The following TBPL2 variants were observed in gnomAD, a reference collection of about 807,000 sequenced individuals.
TBPL2 encodes the protein TATA-box binding protein like 2, also known as TATA box-binding protein-like 2.
Under a neutral mutation model 38.2 loss-of-function variants are expected in TBPL2, and 40 were observed. The ratio of observed to expected loss-of-function variants is 1.05; its 90% CI spans 0.81 to 1.36. TBPL2 has a LOEUF of 1.36. Among genes scored for constraint, TBPL2 ranks in the 40% most tolerant of loss-of-function variants. TBPL2 has a pLI of 0.00. For missense variants in TBPL2, 461 were observed against 456.7 expected (o/e 1.01, Z -0.09); for synonymous variants, 169 against 171.7 (o/e 0.98, Z 0.12).
In TBPL2 at chr14:55,436,548, A is replaced by C. The variant is rs1393335356; in HGVS notation, c.608+13T>G. ...ACCCAATGTGCTCAATTAAAACAAA[A>C]ATAAAAACTTACTGTAGTTGAGGTA... On this transcript the variant is annotated intron_variant, in intron 2 of 6. Transcript: ENST00000247219. 5 of 1,609,114 alleles carry C rather than the reference A, an allele frequency of 3.1e-6. No individual in the cohort carries two copies.
At chr14:55,429,766 C>CAAAAAAAAAAAAAA (rs71131266) in intron 4 of TBPL2, among the ~76,000 whole-genome samples, 3 of 52,388 alleles carry the variant, frequency 5.7e-5, no homozygotes, top group Non-Finnish European at 9.7e-5. Flanking sequence ...AACTCCGTCT[C>CAAAAAAAAAAAAAA]AAAAAAAAAA....
chr14:55,438,940 G>A (rs1427715409), intron 1 of TBPL2: 1 of 106,932 alleles, frequency 9.4e-6, no homozygotes, highest in Non-Finnish European at 1.8e-5. Flanking sequence ...TTGCTCTCTT[G>A]CCTTTTTTTT....
At chr14:55,418,022 T>G (rs1457822023) in intron 6 of TBPL2, among the ~76,000 whole-genome samples, 1 of 152,224 alleles carries the variant, frequency 6.6e-6, no homozygotes, top group Non-Finnish European at 1.5e-5. Flanking sequence ...GGATGTGAGC[T>G]AAGGTTTGTA....
At chr14:55,421,012 G>A (rs1034847196) in intron 6 of TBPL2, among the ~76,000 whole-genome samples, 12 of 140,904 alleles carry the variant, frequency 8.5e-5, no homozygotes, top group Admixed American at 1.5e-4. Flanking sequence ...AGTGAGCCGA[G>A]ATCGCACCAC....
At chr14:55,423,090 G>A (rs1885769781) in intron 6 of TBPL2, among the ~76,000 whole-genome samples, 1 of 152,040 alleles carries the variant, frequency 6.6e-6, no homozygotes, top group African/African-American at 2.4e-5. Context: ...AAAAGGATAA[G>A]TTATGTCATG....
Position 55,420,350 on chromosome 14 carries a change from T to G in TBPL2, c.1051+3809A>C, listed in dbSNP as rs189778153. On this transcript the variant is annotated intron_variant, in intron 6 of 6. Transcript: ENST00000247219. Reference sequence around the variant, plus strand: ...GTGAGCACAACGCCTAGCCAGGCCCTTAAGTTTTTAATCCATTTGCGGGTG... The same window carrying G: ...GTGAGCACAACGCCTAGCCAGGCCCGTAAGTTTTTAATCCATTTGCGGGTG... Among the ~76,000 whole-genome samples, 76 of 152,320 alleles carry G rather than the reference T, an allele frequency of 5.0e-4. 1 individual carries two copies. Among genetic ancestry groups the G allele is most frequent in the Non-Finnish European group, 7.4e-5 (5 of 68,020 alleles).
At chr14:55,438,641 T>C (rs1886054424) in intron 1 of TBPL2, among the ~76,000 whole-genome samples, 1 of 152,128 alleles carries the variant, frequency 6.6e-6, no homozygotes, top group Non-Finnish European at 1.5e-5. Context: ...ATGGCGAGGA[T>C]TTGAAGGAGG....
At chr14:55,436,697 G>C in exon 2 of TBPL2, 3 of 1,614,220 alleles carry the variant, frequency 1.9e-6, no homozygotes, top group Admixed American at 1.7e-5. Flanking sequence ...CCAGGGTGCA[G>C]CTGTGAATGG....
chr14:55,414,475 T>G lies in TBPL2; in HGVS notation c.1052-20A>C. On this transcript the variant is annotated intron_variant, in intron 6 of 6. Transcript: ENST00000247219. The stretch of plus-strand genomic sequence containing the variant: ...TGGCACCTATAAAGAAATCCAGGTT[T>G]ATATAATTTTTAATATAAAAATACC... The G allele has an allele frequency of 6.5e-7, 1 of 1,543,992 alleles. No homozygotes were observed. The highest frequency in any genetic ancestry group is 1.2e-5 in the South Asian group (1 of 80,940).
chr14:55,422,492 G>A (rs1010447501), intron 6 of TBPL2, among the ~76,000 whole-genome samples: 4 of 151,962 alleles, frequency 2.6e-5, no homozygotes, highest in African/African-American at 4.8e-5. Flanking sequence ...CTCATAATTC[G>A]CCTGCCTCGG....
At chr14:55,422,972 AT>A (rs904699205) in intron 6 of TBPL2, among the ~76,000 whole-genome samples, 26 of 152,062 alleles carry the variant, frequency 1.7e-4, no homozygotes, top group African/African-American at 3.1e-4. Flanking sequence ...TGCAAAAATT[AT>A]TTAAAAAAAA....
Position 55,428,984 on chromosome 14 carries a change from G to A in TBPL2, c.789-10C>T, listed in dbSNP as rs1885878553. 1.9e-6 allele frequency: 3 copies of A among 1,613,474 alleles called. No homozygotes were observed. Among genetic ancestry groups the A allele is most frequent in the Admixed American group, 3.3e-5 (2 of 59,968 alleles). On this transcript the variant is annotated splice_polypyrimidine_tract_variant and intron_variant, in intron 4 of 6. Transcript: ENST00000247219. ...TCGAGACTGCTCTTCACTGGGGAGG[G>A]GCAAATATGTTTAAAGATGTCTTAA...
At chr14:55,429,660 G>A (rs1014803350) in intron 4 of TBPL2, among the ~76,000 whole-genome samples, 1 of 151,340 alleles carries the variant, frequency 6.6e-6, no homozygotes, top group African/African-American at 2.4e-5. Context: ...CAGCTACTCA[G>A]GAGGCTGAGG....
intron 4 of TBPL2, among the ~76,000 whole-genome samples, chr14:55,432,415 A>G (rs1885944247): frequency 8.9e-6 from 1 of 111,974 alleles, no homozygotes; most frequent in Non-Finnish European, 2.1e-5. Context: ...CGTGTCTCAG[A>G]AAAAAAAAAA....
chr14:55,420,875 C>T (rs1268326463), intron 6 of TBPL2, among the ~76,000 whole-genome samples: 9 of 151,634 alleles, frequency 5.9e-5, no homozygotes, highest in South Asian at 2.1e-4. Context: ...CTGGCCAACA[C>T]GGTGAAACCC....
chr14:55,427,199 G>A (rs1217269830), intron 5 of TBPL2, among the ~76,000 whole-genome samples: 3 of 152,248 alleles, frequency 2.0e-5, no homozygotes, highest in South Asian at 4.1e-4. Context: ...GAGGCAACAT[G>A]TCTTACATGG....
At chr14:55,433,639 C>T in exon 4 of TBPL2, 4 of 1,613,990 alleles carry the variant, frequency 2.5e-6, no homozygotes, top group Non-Finnish European at 2.5e-6. Context: ...CCTTTTGGCT[C>T]CCGTGCAGAC....
chr14:55,414,773 C>T (rs1005252050), intron 6 of TBPL2, among the ~76,000 whole-genome samples: 5 of 152,174 alleles, frequency 3.3e-5, no homozygotes, highest in African/African-American at 4.8e-5. Flanking sequence ...TCAGCACCTG[C>T]GGGCACTTAG....
At chr14:55,423,611 T>C (rs896022009) in intron 6 of TBPL2, among the ~76,000 whole-genome samples, 1 of 152,260 alleles carries the variant, frequency 6.6e-6, no homozygotes, top group Non-Finnish European at 1.5e-5. Context: ...AGAATGGTTT[T>C]TATCTTTTTC....
Sources: gnomAD v4.1 joint callset for allele counts (sites outside exome capture counted in the v4.1 genomes callset) on GRCh38, gnomAD v4.1.1 for gene constraint, MANE v1.5 for transcripts, NCBI Gene and HGNC (gene_info 2026-07-23, HGNC 2026-07-21) for gene names.